ITPR1: variants seen among roughly 807,000 people sequenced by gnomAD.
ITPR1 encodes the protein inositol 1,4,5-trisphosphate-gated calcium channel ITPR1.
In ITPR1, 96 loss-of-function variants were observed where a neutral mutation model predicts 318.4. That is an observed-to-expected ratio of 0.30 (90% confidence interval 0.26 to 0.36). The LOEUF (loss-of-function observed/expected upper bound fraction) is 0.36. Ranked by LOEUF, ITPR1 falls within the 10% of genes least tolerant of loss-of-function variation. The pLI is 1.00. For missense variants in ITPR1, 2,440 were observed against 3,460.2 expected, an observed-to-expected ratio of 0.71 and a Z score of 7.40; for synonymous variants, 1,312 against 1,289.9, an observed-to-expected ratio of 1.02 and a Z score of -0.37.
intron 61 of ITPR1, among the ~76,000 whole-genome samples, chr3:4,844,488 A>C (rs1354600815): frequency 6.6e-6 from 1 of 152,228 alleles, no homozygotes; most frequent in East Asian, 1.9e-4. Context: ...GCTAAGTTGT[A>C]TTGGATTCCC....
At chr3:4,829,277 G>A (rs2106526642) in intron 60 of ITPR1, among the ~76,000 whole-genome samples, 1 of 152,232 alleles carries the variant, frequency 6.6e-6, no homozygotes, top group Non-Finnish European at 1.5e-5. Context: ...TTTTTCTACT[G>A]ACACACTAAT....
chr3:4,673,211 G>T lies in ITPR1; in HGVS notation c.2280G>T (p.Leu760=), dbSNP rs375801584. Residue 760 remains leucine (L), a synonymous_variant, in exon 21 of 62, where the codon CTG becomes CTT. Coordinates refer to ENST00000649015, the MANE Select transcript of ITPR1 (RefSeq NM_001378452.1). ...YLAINEISGQ[L]DVDLILRCMS... is the part of the protein sequence containing the mutation. ...CCATCAACGAAATCTCAGGCCAGCTGGATGTCGATCTCATTCTCCGCTGCA... is the reference window on the plus strand; with the variant it reads ...CCATCAACGAAATCTCAGGCCAGCTTGATGTCGATCTCATTCTCCGCTGCA... 202 of 1,613,958 alleles carry T rather than the reference G, an allele frequency of 1.3e-4. 1 individual carries two copies. The East Asian group carries it at 3.8e-3, about 31-fold the overall frequency.
intron 39 of ITPR1, among the ~76,000 whole-genome samples, chr3:4,714,654 G>T (rs9829279): frequency 0.33 from 49,544 of 152,138 alleles, 9,986 homozygotes; most frequent in Non-Finnish European, 0.47. Flanking sequence ...TGTGGGCTGG[G>T]TTTTCTTGCC....
At chr3:4,758,309 T>A (rs1222010405) in intron 44 of ITPR1, among the ~76,000 whole-genome samples, 1 of 152,180 alleles carries the variant, frequency 6.6e-6, no homozygotes, top group African/African-American at 2.4e-5. Flanking sequence ...ATCTGAGTCC[T>A]GCAGCCGTCA....
intron 4 of ITPR1, among the ~76,000 whole-genome samples, chr3:4,526,112 C>T (rs2082957975): frequency 6.6e-6 from 1 of 152,188 alleles, no homozygotes; most frequent in Non-Finnish European, 1.5e-5. Flanking sequence ...ATCAAGAGGC[C>T]AGTCATGGCT....
At chr3:4,785,747 T>C (rs1575240276) in intron 51 of ITPR1, among the ~76,000 whole-genome samples, 1 of 152,186 alleles carries the variant, frequency 6.6e-6, no homozygotes. Flanking sequence ...CTTGATCAGG[T>C]TTAAGAGGTG....
At chr3:4,535,520 C>G (rs549384437) in intron 4 of ITPR1, among the ~76,000 whole-genome samples, 144 of 144,966 alleles carry the variant, frequency 9.9e-4, no homozygotes, top group African/African-American at 3.6e-3. Context: ...TCGGCTCACT[C>G]CAAGCTCCGC....
At chr3:4,803,673 A>G (rs2048379954) in intron 54 of ITPR1, among the ~76,000 whole-genome samples, 1 of 152,206 alleles carries the variant, frequency 6.6e-6, no homozygotes, top group African/African-American at 2.4e-5. Flanking sequence ...AAAAATGTTC[A>G]GTATTTCAGA....
At chr3:4,683,824 C>A in intron 28 of ITPR1, 26 bp downstream of exon 28, 1 of 1,602,160 alleles carries the variant, frequency 6.2e-7, no homozygotes, top group South Asian at 1.1e-5. Context: ...GTTATGCTGC[C>A]AAAGTGGATG....
chr3:4,715,798 A>T (rs957236510), intron 39 of ITPR1, among the ~76,000 whole-genome samples: 2 of 152,208 alleles, frequency 1.3e-5, no homozygotes, highest in African/African-American at 4.8e-5. Context: ...GGTTGTAGTG[A>T]GCCAAGATTG....
At chr3:4,812,068 C>G (rs1009996843) in intron 56 of ITPR1, among the ~76,000 whole-genome samples, 13 of 146,940 alleles carry the variant, frequency 8.8e-5, no homozygotes, top group Non-Finnish European at 1.6e-4. Context: ...GAGACAGGAT[C>G]TCACTCTGTC....
At chr3:4,662,703 A>G (rs1305612000) in intron 15 of ITPR1, among the ~76,000 whole-genome samples, 1 of 152,190 alleles carries the variant, frequency 6.6e-6, no homozygotes, top group East Asian at 1.9e-4. Flanking sequence ...AGCCTGGGTG[A>G]CAAAGTGAGA....
At chr3:4,692,764 GT>G (rs11367251) in intron 32 of ITPR1, among the ~76,000 whole-genome samples, 69,953 of 152,054 alleles carry the variant, frequency 0.46, 16,996 homozygotes, top group Non-Finnish European at 0.56. Flanking sequence ...AAAGTAATTT[GT>G]TGATTGAAGA....
intron 48 of ITPR1, 71 bp downstream of exon 48, chr3:4,777,445 C>G: frequency 1.2e-6 from 1 of 858,646 alleles, no homozygotes; most frequent in Non-Finnish European, 1.9e-6. Context: ...TTGGCACATG[C>G]ACATGGGCAA....
intron 40 of ITPR1, among the ~76,000 whole-genome samples, chr3:4,724,653 C>T (rs532846238): frequency 6.6e-5 from 10 of 152,314 alleles, no homozygotes; most frequent in East Asian, 5.8e-4. Context: ...CTTCTCTGCT[C>T]CAGGCACATG....
Position 4,685,078 on chromosome 3 carries a change from C to G in ITPR1, c.3574C>G (p.Arg1192Gly). Residue 1192 changes from arginine (R) to glycine (G), a missense_variant, in exon 30 of 62, where the codon CGG (arginine) becomes GGG (glycine). Transcript: ENST00000649015. ...NYRVVKEILI[R>G]LSKLCVQESA... ...TCTTTCATTCTACTAGATTTTGATTCGGCTTAGCAAACTCTGTGTTCAAGA... is the reference window on the plus strand; with the variant it reads ...TCTTTCATTCTACTAGATTTTGATTGGGCTTAGCAAACTCTGTGTTCAAGA... The G allele has an allele frequency of 6.2e-7, 1 of 1,609,012 alleles. No individual in the cohort carries two copies. Among genetic ancestry groups the G allele is most frequent in the Non-Finnish European group, 8.5e-7 (1 of 1,177,592 alleles).
intron 36 of ITPR1, 34 bp from the exon 37 acceptor site, chr3:4,706,133 T>G: frequency 6.2e-7 from 1 of 1,613,018 alleles, no homozygotes; most frequent in Non-Finnish European, 8.5e-7. Flanking sequence ...CCCATAAAAG[T>G]TGTAGGCTCA....
At chr3:4,741,891 G>A (rs924801768) in intron 44 of ITPR1, among the ~76,000 whole-genome samples, 3 of 152,178 alleles carry the variant, frequency 2.0e-5, no homozygotes, top group African/African-American at 7.2e-5. Context: ...TCTAACCTCA[G>A]GTTTTATCCA....
In ITPR1 at chr3:4,590,537, AT is replaced by A. The variant is rs560276810; in HGVS notation, c.164-37220del. ...TTTGTTCTTCTTAATAATAATAATAATTTTTTAATTATAATTACTATTTTAT... is the reference window on the plus strand; with the variant it reads ...TTTGTTCTTCTTAATAATAATAATAATTTTTAATTATAATTACTATTTTAT... On this transcript the variant is annotated intron_variant, in intron 4 of 61. Transcript: ENST00000649015. Among the ~76,000 whole-genome samples the A allele has an allele frequency of 2.9e-3, 436 of 149,296 alleles. 1 individual carries two copies. The highest frequency in any genetic ancestry group is 0.01 in the African/African-American group (415 of 41,000).
Sources: gnomAD v4.1 joint callset for allele counts (sites outside exome capture counted in the v4.1 genomes callset) on GRCh38, gnomAD v4.1.1 for gene constraint, MANE v1.5 for transcripts, NCBI Gene and HGNC (gene_info 2026-07-23, HGNC 2026-07-21) for gene names.